TBC1D32: variants seen among roughly 807,000 people sequenced by gnomAD.
TBC1D32 encodes the protein TBC1 domain family member 32.
A neutral mutation model predicts 170.3 loss-of-function variants in TBC1D32; 151 were observed. The observed-to-expected ratio is 0.89, with a 90% confidence interval of 0.78 to 1.01. The LOEUF (loss-of-function observed/expected upper bound fraction) is 1.01, where lower values mean the gene tolerates loss of function less well. TBC1D32 is among the 50% of genes least tolerant of loss of function. The pLI is 0.00. For missense variants in TBC1D32, 1,464 were observed against 1,457.1 expected, an observed-to-expected ratio of 1.00 and a Z score of -0.08; for synonymous variants, 498 against 488.0, an observed-to-expected ratio of 1.02 and a Z score of -0.27.
chr6:121,252,498 T>C (rs1798428522), intron 17 of TBC1D32, among the ~76,000 whole-genome samples: 1 of 152,040 alleles, frequency 6.6e-6, no homozygotes, highest in African/African-American at 2.4e-5. Flanking sequence ...ATGTTCTCAC[T>C]CATAAGTAGG....
chr6:121,327,504 A>G (rs193120826), intron 1 of TBC1D32, among the ~76,000 whole-genome samples: 2 of 152,338 alleles, frequency 1.3e-5, no homozygotes, highest in African/African-American at 4.8e-5. Flanking sequence ...GTTATTTTGT[A>G]CAAAAGCCCT....
At chr6:121,110,440 A>T (rs1165690753) in intron 29 of TBC1D32, among the ~76,000 whole-genome samples, 1 of 151,896 alleles carries the variant, frequency 6.6e-6, no homozygotes, top group Non-Finnish European at 1.5e-5. Flanking sequence ...TATAGGCTAT[A>T]AAAAAGGTAA....
chr6:121,315,476 C>T (rs1808797851), intron 3 of TBC1D32, among the ~76,000 whole-genome samples: 1 of 152,148 alleles, frequency 6.6e-6, no homozygotes, highest in African/African-American at 2.4e-5. Context: ...CTTACACTAA[C>T]AGTCTCCTGT....
chr6:121,170,533 T>A (rs1786828256), intron 22 of TBC1D32: 2 of 1,504,294 alleles, frequency 1.3e-6, no homozygotes, highest in African/African-American at 2.8e-5. Flanking sequence ...ATAACCTATA[T>A]AAAAAAGAAA....
Position 121,256,245 on chromosome 6 carries a change from G to A in TBC1D32, c.1774C>T (p.Leu592Phe), listed in dbSNP as rs1022528983. Reference protein sequence around the residue: ...AHIIAQFSKKLLDEDISIFSG... With the variant: ...AHIIAQFSKKFLDEDISIFSG... ...AATATAGAAATATCTTCATCGAGAA[G>A]TTTTTTCGAAAACTGGGCAATTATA... The change falls in exon 16 of 32, where the codon CTT becomes TTT. Residue 592 changes from leucine (L) to phenylalanine (F), a missense_variant. Coordinates refer to ENST00000398212, the MANE Select transcript of TBC1D32 (RefSeq NM_152730.6). 6.2e-7 allele frequency: 1 copy of A among 1,613,394 alleles called. No individual in the cohort carries two copies. Among genetic ancestry groups the A allele is most frequent in the Non-Finnish European group, 8.5e-7 (1 of 1,179,842 alleles).
At chr6:121,327,592 C>G (rs1810618171) in intron 1 of TBC1D32, among the ~76,000 whole-genome samples, 1 of 152,142 alleles carries the variant, frequency 6.6e-6, no homozygotes, top group South Asian at 2.1e-4. Context: ...AGAGGGTAGT[C>G]TGGTAAAGGA....
chr6:121,088,396 T>C (rs1487758007), intron 31 of TBC1D32, among the ~76,000 whole-genome samples: 1 of 152,222 alleles, frequency 6.6e-6, no homozygotes, highest in Non-Finnish European at 1.5e-5. Flanking sequence ...TGAGTATTTT[T>C]GACAGGGGAT....
At chr6:121,267,485 G>A (rs1023026158) in intron 15 of TBC1D32, among the ~76,000 whole-genome samples, 6 of 152,190 alleles carry the variant, frequency 3.9e-5, no homozygotes, top group Non-Finnish European at 7.3e-5. Context: ...CACCTGGCTT[G>A]GAGGGTCCCA....
chr6:121,192,345 G>C (rs1583158753), intron 22 of TBC1D32: 1 of 152,066 alleles, frequency 6.6e-6, no homozygotes, highest in African/African-American at 2.4e-5. Flanking sequence ...TCTCATGAGA[G>C]GAAAGGAGTT....
At chr6:121,217,864 G>A (rs1794026554) in intron 21 of TBC1D32, among the ~76,000 whole-genome samples, 1 of 152,144 alleles carries the variant, frequency 6.6e-6, no homozygotes, top group South Asian at 2.1e-4. Context: ...AATTCTATCA[G>A]GTGGTAATTT....
intron 21 of TBC1D32, among the ~76,000 whole-genome samples, chr6:121,216,296 C>T (rs566871855): frequency 2.9e-4 from 44 of 152,308 alleles, no homozygotes; most frequent in African/African-American, 9.6e-4. Context: ...AGTTTTGAGA[C>T]TCAAACTGGC....
intron 1 of TBC1D32, among the ~76,000 whole-genome samples, chr6:121,323,227 T>G (rs760820382): frequency 1.3e-5 from 2 of 152,164 alleles, no homozygotes; most frequent in Non-Finnish European, 2.9e-5. Flanking sequence ...ACTGCCTCCC[T>G]TTTTTCTCTA....
intron 21 of TBC1D32, among the ~76,000 whole-genome samples, chr6:121,220,642 T>TTC (rs1243841333): frequency 7.7e-6 from 1 of 130,460 alleles, no homozygotes; most frequent in African/African-American, 2.6e-5. Context: ...TTCTTTTTCT[T>TTC]TTTTTTTTTT....
intron 22 of TBC1D32, among the ~76,000 whole-genome samples, chr6:121,188,980 T>C (rs747091815): frequency 6.6e-6 from 1 of 152,176 alleles, no homozygotes; most frequent in Non-Finnish European, 1.5e-5. Context: ...AGCTCTAAAC[T>C]GTCTTTTTTA....
At chr6:121,130,743 G>A (rs1582892620) in intron 25 of TBC1D32, among the ~76,000 whole-genome samples, 2 of 152,028 alleles carry the variant, frequency 1.3e-5, no homozygotes, top group East Asian at 3.9e-4. Flanking sequence ...TTAATTTGTT[G>A]TGCAAATTAA....
chr6:121,103,708 A>G (rs1314005890), intron 30 of TBC1D32, among the ~76,000 whole-genome samples: 3 of 152,034 alleles, frequency 2.0e-5, no homozygotes, highest in Non-Finnish European at 4.4e-5. Flanking sequence ...CGTTGTGCAC[A>G]TGTACCCTAG....
In TBC1D32 at chr6:121,090,874, T is replaced by C. The variant is rs768470043; in HGVS notation, c.3633A>G (p.Gln1211=). 5.4e-5 allele frequency: 87 copies of C among 1,610,424 alleles called. 1 individual carries two copies. In the Middle Eastern group the frequency reaches 1.3e-3, roughly 25 times the overall value. Reference sequence around the variant, plus strand: ...TTACTTTTAGGAAAACTTGCAGATCTTGAGTCTGAGTGTGCTGTAGAATGT... The same window carrying C: ...TTACTTTTAGGAAAACTTGCAGATCCTGAGTCTGAGTGTGCTGTAGAATGT... ...QQDILQHTQT[Q]DLQVFLKEEA... Residue 1211 remains glutamine, a synonymous_variant, in exon 31 of 32, where the codon CAA becomes CAG. Coordinates refer to ENST00000398212, the MANE Select transcript of TBC1D32 (RefSeq NM_152730.6).
chr6:121,202,448 T>C (rs1378554623), intron 22 of TBC1D32, among the ~76,000 whole-genome samples: 1 of 151,184 alleles, frequency 6.6e-6, no homozygotes, highest in African/African-American at 2.5e-5. Flanking sequence ...ACTAGATTCA[T>C]TAGCATGGAA....
intron 30 of TBC1D32, among the ~76,000 whole-genome samples, chr6:121,103,623 T>C (rs989176560): frequency 3.4e-5 from 5 of 147,522 alleles, no homozygotes; most frequent in Non-Finnish European, 4.5e-5. Context: ...TTAGGAGATA[T>C]ACCTAATGTA....
Sources: allele counts gnomAD v4.1 joint callset (sites outside exome capture counted in the v4.1 genomes callset), GRCh38; gene constraint gnomAD v4.1.1; transcripts MANE v1.5; gene names NCBI Gene and HGNC (gene_info 2026-07-23, HGNC 2026-07-21).